ZNF292: variants seen among roughly 807,000 people sequenced by gnomAD.
ZNF292 encodes 16 zinc-finger domain protein.
In ZNF292, 26 loss-of-function variants were observed where a neutral mutation model predicts 217.9. That is an observed-to-expected ratio of 0.12 (90% CI 0.09 to 0.17). ZNF292 has a LOEUF of 0.17. ZNF292 is among the 10% of genes least tolerant of loss of function. The pLI is 1.00. For missense variants in ZNF292, 2,904 were observed against 3,175.2 expected (o/e 0.91, Z 2.05); for synonymous variants, 1,257 against 1,124.1 (o/e 1.12, Z -2.37).
chr6:87,182,275 C>T (rs1582390414), intron 1 of ZNF292, among the ~76,000 whole-genome samples: 1 of 152,220 alleles, frequency 6.6e-6, no homozygotes, highest in East Asian at 1.9e-4. Flanking sequence ...AGTGTGTTTC[C>T]ATAGTTAAAA....
At chr6:87,233,155 T>C (rs948912597) in intron 4 of ZNF292, among the ~76,000 whole-genome samples, 170 bp from the exon 5 acceptor site, 8 of 152,122 alleles carry the variant, frequency 5.3e-5, no homozygotes, top group Non-Finnish European at 1.0e-4. Context: ...AGCAATATAA[T>C]CTCTTCTTGC....
At chr6:87,160,326 G>T (rs987493909) in intron 1 of ZNF292, among the ~76,000 whole-genome samples, 2 of 152,192 alleles carry the variant, frequency 1.3e-5, no homozygotes, top group Non-Finnish European at 2.9e-5. Context: ...ATTTGTTGGA[G>T]TATGATATTT....
intron 1 of ZNF292, among the ~76,000 whole-genome samples, chr6:87,188,440 C>T (rs1228335401): frequency 6.6e-6 from 1 of 152,062 alleles, no homozygotes; most frequent in African/African-American, 2.4e-5. Flanking sequence ...AGCCTCTATG[C>T]TTTGTTTAAT....
At position 87,243,995 on chromosome 6, in the gene ZNF292, C is replaced by T. The variant is rs1397577286; in HGVS notation, c.878+384C>T. Among the ~76,000 whole-genome samples the T allele has an allele frequency of 2.6e-5, 4 of 152,152 alleles. 1 individual carries two copies. The highest frequency in any genetic ancestry group is 5.9e-5 in the Non-Finnish European group (4 of 68,026). On this transcript the variant is annotated intron_variant, in intron 6 of 7. Coordinates refer to ENST00000369577, the MANE Select transcript of ZNF292 (RefSeq NM_015021.3). ...TTATATGTAATCCTTTGGGAGGCTA[C>T]AGGAAACAGAGATCTTGGTTTCAGT...
At chr6:87,188,715 G>A (rs1283758757) in intron 1 of ZNF292, among the ~76,000 whole-genome samples, 1 of 146,964 alleles carries the variant, frequency 6.8e-6, no homozygotes, top group Admixed American at 7.0e-5. Flanking sequence ...GCCAGCCGTA[G>A]TAATTTTTTT....
intron 1 of ZNF292, among the ~76,000 whole-genome samples, chr6:87,211,859 AAACCAGAT>A (rs1562143186): frequency 6.6e-6 from 1 of 152,150 alleles, no homozygotes; most frequent in Non-Finnish European, 1.5e-5. Context: ...ACTCATCTTC[AAACCAGAT>A]TACAGTGACA....
chr6:87,215,322 A>G (rs1772693932), intron 1 of ZNF292, among the ~76,000 whole-genome samples: 1 of 152,176 alleles, frequency 6.6e-6, no homozygotes, highest in Non-Finnish European at 1.5e-5. Flanking sequence ...AAAATTACTT[A>G]ACCTTATAAT....
intron 1 of ZNF292, among the ~76,000 whole-genome samples, chr6:87,169,130 C>T (rs1771010624): frequency 6.6e-6 from 1 of 152,058 alleles, no homozygotes; most frequent in Admixed American, 6.6e-5. Context: ...GCAGCCTCCG[C>T]CTCCCGGGTT....
chr6:87,265,827 T>G lies in ZNF292; in HGVS notation c.*4026T>G, dbSNP rs141338279. ...AATTTATATATCCCAATGGGTTGAT[T>G]CCTTTGCTGTATTGGTTGTTAATGT... On this transcript the variant is annotated 3_prime_UTR_variant, in exon 8 of 8. Coordinates refer to ENST00000369577, the MANE Select transcript of ZNF292 (RefSeq NM_015021.3). 1.3e-5 allele frequency among the ~76,000 whole-genome samples: 2 copies of G among 152,364 alleles called. No individual in the cohort carries two copies. The highest frequency in any genetic ancestry group is 4.8e-5 in the African/African-American group (2 of 41,588).
intron 5 of ZNF292, among the ~76,000 whole-genome samples, chr6:87,239,267 C>T (rs990866263): frequency 6.6e-6 from 1 of 151,902 alleles, no homozygotes; most frequent in Non-Finnish European, 1.5e-5. Flanking sequence ...CGGGCAAAGG[C>T]ACCCCTCACC....
chr6:87,159,828 C>T (rs570852859), intron 1 of ZNF292, among the ~76,000 whole-genome samples: 2 of 152,262 alleles, frequency 1.3e-5, no homozygotes, highest in South Asian at 4.1e-4. Flanking sequence ...ACCACCATGC[C>T]CAGCTCTTAA....
At chr6:87,183,429 T>G (rs1771529732) in intron 1 of ZNF292, among the ~76,000 whole-genome samples, 1 of 152,088 alleles carries the variant, frequency 6.6e-6, no homozygotes, top group Non-Finnish European at 1.5e-5. Flanking sequence ...AATAAAATGG[T>G]CCCTTCAGTT....
chr6:87,171,722 T>G (rs1771105564), intron 1 of ZNF292, among the ~76,000 whole-genome samples: 1 of 152,250 alleles, frequency 6.6e-6, no homozygotes, highest in Non-Finnish European at 1.5e-5. Context: ...TGATGGCATA[T>G]GTCAGCTTGG....
intron 5 of ZNF292, among the ~76,000 whole-genome samples, chr6:87,241,815 C>T (rs565565820): frequency 2.6e-4 from 39 of 152,310 alleles, no homozygotes; most frequent in African/African-American, 8.9e-4. Context: ...AATTTATGAT[C>T]GTTCAGCTTA....
At chr6:87,165,973 G>T (rs1399995630) in intron 1 of ZNF292, among the ~76,000 whole-genome samples, 2 of 152,090 alleles carry the variant, frequency 1.3e-5, no homozygotes, top group East Asian at 3.9e-4. Context: ...GGCCAGGCTG[G>T]TCTCAAACTC....
intron 7 of ZNF292, 41 bp from the exon 8 acceptor site, chr6:87,254,609 A>G (rs779206580): frequency 2.7e-6 from 4 of 1,485,086 alleles, no homozygotes; most frequent in Admixed American, 2.1e-5. Flanking sequence ...AGTGTTGATT[A>G]GTGTAGATTA....
intron 4 of ZNF292, among the ~76,000 whole-genome samples, chr6:87,224,312 C>T (rs761981288): frequency 4.0e-5 from 6 of 151,790 alleles, no homozygotes; most frequent in Non-Finnish European, 4.4e-5. Flanking sequence ...CTTCCTGAAC[C>T]TCCTAAATAA....
At chr6:87,236,063 T>G (rs1773890378) in intron 5 of ZNF292, among the ~76,000 whole-genome samples, 1 of 152,210 alleles carries the variant, frequency 6.6e-6, no homozygotes, top group South Asian at 2.1e-4. Flanking sequence ...ATGAGGTGAG[T>G]TAAGATTTAT....
At chr6:87,167,761 T>C (rs1384356457) in intron 1 of ZNF292, among the ~76,000 whole-genome samples, 2 of 152,348 alleles carry the variant, frequency 1.3e-5, no homozygotes, top group East Asian at 3.9e-4. Context: ...TTGTCAGATA[T>C]ATTTTACTGC....
Sources: gnomAD v4.1 joint callset for allele counts (sites outside exome capture counted in the v4.1 genomes callset) on GRCh38, gnomAD v4.1.1 for gene constraint, MANE v1.5 for transcripts, NCBI Gene and HGNC (gene_info 2026-07-23, HGNC 2026-07-21) for gene names.